Variants in DNAI7 observed in about 807,000 individuals in gnomAD.
DNAI7 encodes the protein cancer susceptibility 1.
Under a neutral mutation model 86.6 loss-of-function variants are expected in DNAI7, and 78 were observed. The ratio of observed to expected loss-of-function variants is 0.90; its 90% confidence interval spans 0.75 to 1.09. The LOEUF (loss-of-function observed/expected upper bound fraction) is 1.09. Ranked by LOEUF, DNAI7 falls within the 50% of genes least tolerant of loss-of-function variation. DNAI7 has a pLI of 0.00. For missense variants in DNAI7, 753 were observed against 810.2 expected (o/e 0.93, Z 0.86); for synonymous variants, 274 against 273.0 (o/e 1.00, Z -0.04).
chr12:25,114,601 T>C, intron 13 of DNAI7, 55 bp downstream of exon 13: 2 of 1,194,486 alleles, frequency 1.7e-6, no homozygotes, highest in Admixed American at 3.6e-5. Context: ...TAGTATTCCA[T>C]CAAAATGGTT....
chr12:25,132,575 TTTTA>T lies in DNAI7; in HGVS notation c.1003-9293_1003-9290del, dbSNP rs936813989. Among the ~76,000 whole-genome samples the T allele has an allele frequency of 6.6e-5, 10 of 150,668 alleles. 1 individual carries two copies. The highest frequency in any genetic ancestry group is 1.5e-4 in the African/African-American group (6 of 40,014). On this transcript the variant is annotated intron_variant, in intron 9 of 15. Transcript: ENST00000395987. ...TCAATGAAAATCTTGGCACAATCAT[TTTTA>T]TTTATTTTGTTCTATTATTTTCTAA...
Position 25,158,523 on chromosome 12 carries a change from C to T in DNAI7, c.147G>A (p.Arg49=), listed in dbSNP as rs200695248. Residue 49 remains arginine, a synonymous_variant, in exon 4 of 16, where the codon AGG becomes AGA. Transcript: ENST00000395987. The stretch of plus-strand genomic sequence containing the variant: ...CTTTCTCAATTCGCTGTATTTCAAG[C>T]CTTTCCATTTCTTCTTTCTCATATT... ...RLKYEKEEME[R]LEIQRIEKEK... 4 of 1,613,062 alleles carry T rather than the reference C, an allele frequency of 2.5e-6. No homozygotes were observed. The East Asian group carries it at 6.7e-5, about 27-fold the overall frequency.
intron 4 of DNAI7, among the ~76,000 whole-genome samples, chr12:25,157,253 G>C (rs1172224383): frequency 4.2e-5 from 6 of 142,806 alleles, no homozygotes; most frequent in Non-Finnish European, 9.0e-5. Flanking sequence ...ACTCCAGCCT[G>C]GGCGACAGAG....
In DNAI7 at chr12:25,128,434, G is replaced by A. The variant is rs549488954; in HGVS notation, c.1003-5148C>T. Among the ~76,000 whole-genome samples, 34 of 152,196 alleles carry A rather than the reference G, an allele frequency of 2.2e-4. 1 individual carries two copies. The highest frequency in any genetic ancestry group is 7.7e-4 in the African/African-American group (32 of 41,536). On this transcript the variant is annotated intron_variant, in intron 9 of 15. Coordinates refer to ENST00000395987, the MANE Select transcript of DNAI7 (RefSeq NM_018272.5). ...TGGTCCCCAAATATAAGCTAGTGAT[G>A]CTCTGTAGGTCACACACATTGTACC...
intron 2 of DNAI7, among the ~76,000 whole-genome samples, chr12:25,167,167 A>C (rs1947579399): frequency 6.6e-6 from 1 of 152,200 alleles, no homozygotes; most frequent in African/African-American, 2.4e-5. Flanking sequence ...CACCAAAGGC[A>C]GGCTATGCTA....
chr12:25,147,142 G>C lies in DNAI7; in HGVS notation c.586-38C>G, dbSNP rs761741112. 1.8e-5 allele frequency: 18 copies of C among 1,015,086 alleles called. No homozygotes were observed. In the East Asian group the frequency reaches 3.1e-4, roughly 18 times the overall value. 62.9% of individuals were successfully genotyped at this position (1,015,086 alleles called of 1,614,324 possible). On this transcript the variant is annotated intron_variant, in intron 7 of 15. Coordinates refer to ENST00000395987, the MANE Select transcript of DNAI7 (RefSeq NM_018272.5). ...AAGAAAACATTATAAAGGGCCACAG[G>C]CCTCATAAATTATACAAATTAGATA...
intron 9 of DNAI7, among the ~76,000 whole-genome samples, chr12:25,132,568 CA>C (rs1298163610): frequency 8.5e-5 from 12 of 140,958 alleles, no homozygotes; most frequent in Admixed American, 8.2e-4. Context: ...AATCTTGGCA[CA>C]ATCATTTTTA....
rs1940803200 is a variant in DNAI7 at position 25,119,292 on chromosome 12, C to G, written c.1249G>C (p.Glu417Gln). The G allele has an allele frequency of 6.3e-7, 1 of 1,599,678 alleles. No homozygotes were observed. Among genetic ancestry groups the G allele is most frequent in the East Asian group, 2.2e-5 (1 of 44,712 alleles). Residue 417 changes from glutamate to glutamine, a missense_variant, in exon 12 of 16, where the codon GAA (glutamate) becomes CAA (glutamine). Transcript: ENST00000395987. ...GGATATGTGTATTTCTGTAATCCTTCTTTGAGTATCTTTTTAAAATGACCA... is the reference window on the plus strand; with the variant it reads ...GGATATGTGTATTTCTGTAATCCTTGTTTGAGTATCTTTTTAAAATGACCA... Reference protein sequence around the residue: ...KGWMIVEILKEGLQKYTYPPE... With the variant: ...KGWMIVEILKQGLQKYTYPPE...
chr12:25,126,833 A>C (rs1942204540), intron 9 of DNAI7, among the ~76,000 whole-genome samples: 2 of 152,194 alleles, frequency 1.3e-5, no homozygotes, highest in South Asian at 4.1e-4. Context: ...TAGGTAAGTC[A>C]GTCTAATTCA....
intron 6 of DNAI7, among the ~76,000 whole-genome samples, chr12:25,152,619 C>G (rs1346292246): frequency 6.6e-6 from 1 of 152,276 alleles, no homozygotes; most frequent in East Asian, 1.9e-4. Context: ...GTTTTGTGAG[C>G]CATTACAGCA....
At chr12:25,147,319 C>T (rs1274895451) in intron 7 of DNAI7, among the ~76,000 whole-genome samples, 3 of 152,088 alleles carry the variant, frequency 2.0e-5, no homozygotes, top group Non-Finnish European at 2.9e-5. Flanking sequence ...TATGCATCTC[C>T]TTTTTCCATT....
At chr12:25,178,321 AAC>A (rs1349685387) in intron 2 of DNAI7, among the ~76,000 whole-genome samples, 1 of 151,542 alleles carries the variant, frequency 6.6e-6, no homozygotes, top group African/African-American at 2.4e-5. Context: ...TCTTCATGAA[AAC>A]AGTTTAATTT....
chr12:25,110,956 G>A (rs7134616), intron 14 of DNAI7, among the ~76,000 whole-genome samples: 10 of 152,052 alleles, frequency 6.6e-5, no homozygotes, highest in Admixed American at 6.5e-4. Context: ...CTGAAAGCAT[G>A]AGCAGAACAC....
chr12:25,176,760 A>T (rs768506365), intron 2 of DNAI7, among the ~76,000 whole-genome samples: 3 of 151,740 alleles, frequency 2.0e-5, no homozygotes, highest in Non-Finnish European at 4.4e-5. Flanking sequence ...TTTTCTTTAT[A>T]GTTTTCTAAC....
intron 10 of DNAI7, among the ~76,000 whole-genome samples, chr12:25,122,423 T>A (rs1383076117): frequency 3.4e-5 from 4 of 118,270 alleles, no homozygotes; most frequent in Admixed American, 1.2e-4. Flanking sequence ...GCACCACTAC[T>A]GGGCAATAGA....
chr12:25,169,700 C>G (rs1947908284), intron 2 of DNAI7, among the ~76,000 whole-genome samples: 1 of 151,090 alleles, frequency 6.6e-6, no homozygotes, highest in Non-Finnish European at 1.5e-5. Context: ...ATACAAAAAT[C>G]AGCTGGATGT....
At chr12:25,137,424 C>A (rs981880323) in intron 9 of DNAI7, among the ~76,000 whole-genome samples, 1 of 152,030 alleles carries the variant, frequency 6.6e-6, no homozygotes, top group Admixed American at 6.6e-5. Context: ...CAAAACAGAA[C>A]CCCCCTAAAT....
chr12:25,145,426 C>CT (rs1237598935), intron 8 of DNAI7, among the ~76,000 whole-genome samples: 1 of 152,156 alleles, frequency 6.6e-6, no homozygotes, highest in African/African-American at 2.4e-5. Context: ...AAGACACCAC[C>CT]TAATTCTCTT....
chr12:25,120,322 G>A (rs1409043753), intron 11 of DNAI7, among the ~76,000 whole-genome samples: 2 of 146,212 alleles, frequency 1.4e-5, no homozygotes, highest in Non-Finnish European at 3.0e-5. Flanking sequence ...AAGAGGGAGA[G>A]AGAGAGAGAG....
Sources: gnomAD v4.1 joint callset for allele counts (sites outside exome capture counted in the v4.1 genomes callset) on GRCh38, gnomAD v4.1.1 for gene constraint, MANE v1.5 for transcripts, NCBI Gene and HGNC (gene_info 2026-07-23, HGNC 2026-07-21) for gene names.